RYK: variants seen among roughly 807,000 people sequenced by gnomAD.
The protein encoded by RYK is inactive tyrosine-protein kinase RYK.
A neutral mutation model predicts 70.2 loss-of-function variants in RYK; 21 were observed. That is an observed-to-expected ratio of 0.30 (90% CI 0.21 to 0.43). The LOEUF is 0.43. Among genes scored for constraint, RYK ranks in the 20% least tolerant of loss-of-function variants. The pLI is 1.00. For synonymous variants in RYK, 267 were observed against 278.0 expected (o/e 0.96, Z 0.39); for missense variants, 604 against 753.3 (o/e 0.80, Z 2.32).
At chr3:134,220,693 C>T (rs2014705279) in intron 2 of RYK, among the ~76,000 whole-genome samples, 1 of 152,132 alleles carries the variant, frequency 6.6e-6, no homozygotes, top group African/African-American at 2.4e-5. Flanking sequence ...TATACACACA[C>T]AGGGATACAC....
rs1341548953 is a variant in RYK, at chr3:134,245,098, C to G, written c.232+5325G>C. 2.6e-5 allele frequency among the ~76,000 whole-genome samples: 4 copies of G among 152,312 alleles called. No individual in the cohort carries two copies. The South Asian group carries it at 8.3e-4, about 32-fold the overall frequency. ...CCCAATTTATGGTACTTTGTTACAG[C>G]AGCCTGAGCAGACTAACACTCATCT... On this transcript the variant is annotated intron_variant, in intron 1 of 14. Coordinates refer to ENST00000623711, the MANE Select transcript of RYK (RefSeq NM_002958.4).
intron 6 of RYK, among the ~76,000 whole-genome samples, chr3:134,200,252 C>T (rs544052889): frequency 6.6e-5 from 10 of 152,208 alleles, no homozygotes; most frequent in South Asian, 2.1e-4. Flanking sequence ...TGTAACACTG[C>T]GAAGGTCTGC....
intron 5 of RYK, among the ~76,000 whole-genome samples, chr3:134,204,994 T>A (rs933603567): frequency 1.3e-5 from 2 of 152,144 alleles, no homozygotes; most frequent in Non-Finnish European, 2.9e-5. Context: ...ACAGTGAAGA[T>A]GAGAAGTAAG....
chr3:134,246,329 CACACACACACACACAG>C (rs1353999028), intron 1 of RYK, among the ~76,000 whole-genome samples: 2 of 145,310 alleles, frequency 1.4e-5, no homozygotes, highest in South Asian at 4.4e-4. Context: ...CACACACACA[CACACACACACACACAG>C]AGAGAGAGAA....
Position 134,209,713 on chromosome 3 carries a change from T to G in RYK, c.571A>C (p.Arg191=). ...KNFTVLNFKR[R]KMCYKKLEEV... is the part of the protein sequence containing the mutation. ...TCCTTACTTTTGTAGCACATTTTCCTTCGTTTAAAATTTAAGACGGTAAAA... is the reference window on the plus strand; with the variant it reads ...TCCTTACTTTTGTAGCACATTTTCCGTCGTTTAAAATTTAAGACGGTAAAA... Residue 191 remains arginine, a synonymous_variant, in exon 4 of 15, where the codon AGG becomes CGG. Transcript: ENST00000623711. 6.8e-7 allele frequency: 1 copy of G among 1,476,626 alleles called. No homozygotes were observed. The highest frequency in any genetic ancestry group is 9.0e-7 in the Non-Finnish European group (1 of 1,107,600). The allele number at this position is 1,476,626 out of a possible 1,614,324, so 91.5% of individuals were successfully genotyped here. A position where few individuals can be genotyped will look rare whatever the true frequency, so the allele number is the denominator to read the frequency against.
rs180735733 is a variant in RYK, at chr3:134,195,094, T to C, written c.877A>G (p.Thr293Ala). 2.1e-5 allele frequency: 34 copies of C among 1,611,540 alleles called. No individual in the cohort carries two copies. The highest frequency in any genetic ancestry group is 2.7e-5 in the Non-Finnish European group (32 of 1,177,850). Residue 293 changes from threonine (T) to alanine (A), a missense_variant, in exon 7 of 15, where the codon ACT becomes GCT. Physicochemically the swap from Thr to Ala is moderately conservative, Grantham distance 58. This residue lies in a region of RYK where 466 missense variants were observed against 535.9 expected (regional missense o/e 0.87). Coordinates refer to ENST00000623711, the MANE Select transcript of RYK (RefSeq NM_002958.4). ...AATTAACTCTTACTGGTGATAGGAG[T>C]TGCATTGTTGGGCGTGTCTGCTCTC... ...YLRADTPNNA[T>A]PITSYPTLRI...
chr3:134,214,809 C>T (rs2014502275), intron 2 of RYK, among the ~76,000 whole-genome samples: 1 of 152,148 alleles, frequency 6.6e-6, no homozygotes, highest in Non-Finnish European at 1.5e-5. Context: ...ACAGAGGAAC[C>T]CCATTTCTGC....
chr3:134,173,819 C>T (rs2013006184), intron 13 of RYK, among the ~76,000 whole-genome samples: 1 of 152,116 alleles, frequency 6.6e-6, no homozygotes, highest in South Asian at 2.1e-4. Flanking sequence ...AAGGAATTTT[C>T]CCCTTTCTCA....
At chr3:134,242,738 A>C (rs1262245219) in intron 1 of RYK, among the ~76,000 whole-genome samples, 1 of 152,230 alleles carries the variant, frequency 6.6e-6, no homozygotes, top group African/African-American at 2.4e-5. Context: ...AGTGATTCTT[A>C]AAATCCAAAC....
intron 2 of RYK, 36 bp downstream of exon 2, chr3:134,222,382 C>T (rs371969671): frequency 7.4e-5 from 119 of 1,611,272 alleles, no homozygotes; most frequent in Middle Eastern, 4.3e-4. Context: ...GGCTGGGTGA[C>T]CCTGTCATGA....
rs139332091 is a variant in RYK at position 134,231,288 on chromosome 3, T to A, written c.233-8749A>T. On this transcript the variant is annotated intron_variant, in intron 1 of 14. Transcript: ENST00000623711. The stretch of plus-strand genomic sequence containing the variant: ...TGGTTTTGTTCTACTAGAAATTTTA[T>A]CTTATCTGTCAAGGAGACGGGTGGA... 2.0e-5 allele frequency among the ~76,000 whole-genome samples: 3 copies of A among 152,130 alleles called. No homozygotes were observed. The East Asian group carries it at 5.8e-4, about 29-fold the overall frequency.
Position 134,209,694 on chromosome 3 carries a change from C to A in RYK, c.589+1G>T. The A allele has an allele frequency of 6.9e-7, 1 of 1,457,178 alleles. No homozygotes were observed. The highest frequency in any genetic ancestry group is 1.4e-5 in the South Asian group (1 of 69,994). The allele number at this position is 1,457,178 out of a possible 1,614,324, so 90.3% of individuals were successfully genotyped here. ...CATATTTTGGTAAATAAATTCCTTACTTTTGTAGCACATTTTCCTTCGTTT... is the reference window on the plus strand; with the variant it reads ...CATATTTTGGTAAATAAATTCCTTAATTTTGTAGCACATTTTCCTTCGTTT... On this transcript the variant is annotated splice_donor_variant, in intron 4 of 14. Transcript: ENST00000623711. LOFTEE classifies it high-confidence loss of function.
At chr3:134,198,310 C>A (rs2013877028) in intron 6 of RYK, among the ~76,000 whole-genome samples, 1 of 152,200 alleles carries the variant, frequency 6.6e-6, no homozygotes, top group African/African-American at 2.4e-5. Context: ...AAAACACTGA[C>A]AACAATTTGT....
At chr3:134,249,481 A>G (rs2015550240) in intron 1 of RYK, among the ~76,000 whole-genome samples, 1 of 152,220 alleles carries the variant, frequency 6.6e-6, no homozygotes, top group African/African-American at 2.4e-5. Flanking sequence ...TGCCATAATA[A>G]CAAAAGAATG....
intron 1 of RYK, among the ~76,000 whole-genome samples, chr3:134,247,938 C>A (rs189360498): frequency 3.3e-5 from 5 of 152,254 alleles, no homozygotes; most frequent in Middle Eastern, 3.4e-3. Context: ...TTCTAAAATA[C>A]GGTGCAAAGC....
chr3:134,189,740 C>CAAAAAA (rs57016937), intron 8 of RYK, among the ~76,000 whole-genome samples: 306 of 92,012 alleles, frequency 3.3e-3, no homozygotes, highest in Non-Finnish European at 3.9e-3. Context: ...GAGACTCCGC[C>CAAAAAA]AAAAAAAAAA....
chr3:134,225,174 A>T (rs985415366), intron 1 of RYK, among the ~76,000 whole-genome samples: 1 of 152,216 alleles, frequency 6.6e-6, no homozygotes, highest in Non-Finnish European at 1.5e-5. Context: ...CCAGGAATGG[A>T]GGATTGGTGG....
intron 13 of RYK, among the ~76,000 whole-genome samples, chr3:134,173,465 C>A (rs2012991113): frequency 6.6e-6 from 1 of 152,108 alleles, no homozygotes; most frequent in Non-Finnish European, 1.5e-5. Flanking sequence ...TGACTTATTT[C>A]TGCAATGATG....
chr3:134,199,451 C>T (rs2013917999), intron 6 of RYK, among the ~76,000 whole-genome samples: 1 of 152,236 alleles, frequency 6.6e-6, no homozygotes. Context: ...GCTATTACAA[C>T]ACTGAGTCCC....
Sources: allele counts gnomAD v4.1 joint callset (sites outside exome capture counted in the v4.1 genomes callset), GRCh38; gene constraint gnomAD v4.1.1; regional missense constraint gnomAD v4.1.1; transcripts MANE v1.5; gene names NCBI Gene and HGNC (gene_info 2026-07-23, HGNC 2026-07-21).